The following AMBRA1 variants were observed in gnomAD, a reference collection of about 807,000 sequenced individuals.
AMBRA1 encodes activating molecule in BECN1-regulated autophagy protein 1.
A neutral mutation model predicts 125.4 loss-of-function variants in AMBRA1; 47 were observed. That is an observed-to-expected ratio of 0.37 (90% CI 0.30 to 0.48). The LOEUF is 0.48. Among genes scored for constraint, AMBRA1 ranks in the 20% least tolerant of loss-of-function variants. The pLI, the probability that AMBRA1 is intolerant of heterozygous loss-of-function variation, is 0.99. For synonymous variants in AMBRA1, 626 were observed against 655.5 expected, an observed-to-expected ratio of 0.95 and a Z score of 0.69; for missense variants, 1,331 against 1,693.4, an observed-to-expected ratio of 0.79 and a Z score of 3.76.
chr11:46,397,666 G>T lies in AMBRA1; in HGVS notation c.3681C>A (p.Ser1227Arg). ...GCTGGTCCCAGGAAGCTGTCCGGGG[G>T]CTTAGGCCTCGCTCTGCCAGTTGCC... ...EAGQLAERGL[S>R]PRTASWDQPG... The change falls in exon 18 of 18, where the codon AGC becomes AGA. Residue 1227 changes from serine (S) to arginine (R), a missense_variant. By Grantham distance (110) the Ser-to-Arg change is moderately radical. Around this residue, in one of 4 missense-constraint regions of AMBRA1, gnomAD observed 144 missense variants for 133.9 expected, o/e 1.08. Transcript: ENST00000683756. 6.2e-7 allele frequency: 1 copy of T among 1,613,294 alleles called. No individual in the cohort carries two copies. The highest frequency in any genetic ancestry group is 1.1e-5 in the South Asian group (1 of 91,028).
intron 5 of AMBRA1, among the ~76,000 whole-genome samples, chr11:46,544,703 G>C (rs1006242146): frequency 6.6e-6 from 1 of 152,084 alleles, no homozygotes; most frequent in African/African-American, 2.4e-5. Context: ...AAAACAGTTA[G>C]CTTTGAAACT....
At chr11:46,589,626 C>CT (rs762566166) in intron 1 of AMBRA1, among the ~76,000 whole-genome samples, 159 of 147,038 alleles carry the variant, frequency 1.1e-3, no homozygotes, top group Middle Eastern at 6.9e-3. Flanking sequence ...AAATTGCCAA[C>CT]TTTTTTTTTT....
intron 9 of AMBRA1, among the ~76,000 whole-genome samples, chr11:46,503,761 C>T (rs1202168766): frequency 6.6e-6 from 1 of 152,166 alleles, no homozygotes; most frequent in Non-Finnish European, 1.5e-5. Flanking sequence ...CATCTTAAGG[C>T]TAAAAGACTA....
intron 7 of AMBRA1, among the ~76,000 whole-genome samples, chr11:46,525,314 T>A (rs1412078833): frequency 6.6e-6 from 1 of 151,650 alleles, no homozygotes; most frequent in Non-Finnish European, 1.5e-5. Flanking sequence ...AATAAATAAA[T>A]AAATAGGCCA....
In AMBRA1 at chr11:46,408,650, C is replaced by G; in HGVS notation, c.3266G>C (p.Gly1089Ala). ...GGTGGCAGGGTTCCGGGGCTGAAGC[C>G]CAATGGCATTCATCAGCCCCATGTC... ...DRDMGLMNAIGLQPRNPATSV... is the reference protein window; with the variant it reads ...DRDMGLMNAIALQPRNPATSV... Residue 1089 changes from glycine (G) to alanine (A), a missense_variant, in exon 17 of 18, where the codon GGG becomes GCG. By Grantham distance (60) the Gly-to-Ala change is moderately conservative. Coordinates refer to ENST00000683756, the MANE Select transcript of AMBRA1 (RefSeq NM_001387011.1). The G allele has an allele frequency of 6.2e-7, 1 of 1,603,272 alleles. No individual in the cohort carries two copies. The highest frequency in any genetic ancestry group is 8.5e-7 in the Non-Finnish European group (1 of 1,173,418).
chr11:46,401,251 C>G (rs1041808680), intron 17 of AMBRA1, among the ~76,000 whole-genome samples: 2 of 67,074 alleles, frequency 3.0e-5, no homozygotes, highest in Admixed American at 4.6e-4. Context: ...GAATTCTCAG[C>G]TCTTTTCGAG....
At chr11:46,512,651 C>T (rs1468893700) in intron 8 of AMBRA1, 76 bp downstream of exon 8, 20 of 1,175,518 alleles carry the variant, frequency 1.7e-5, no homozygotes, top group African/African-American at 1.7e-4. Context: ...AGGCACAGAA[C>T]GGAGCTTCCA....
Position 46,520,309 on chromosome 11 carries a change from C to T in AMBRA1, c.2073-7496G>A, listed in dbSNP as rs1162120172. ...GATAGCCTCATTACATGTCATGGAG[C>T]CTCTAGCAAACACTGTATACTTGTG... On this transcript the variant is annotated intron_variant, in intron 7 of 17. Transcript: ENST00000683756. 2.6e-5 allele frequency among the ~76,000 whole-genome samples: 4 copies of T among 152,020 alleles called. No individual in the cohort carries two copies. In the South Asian group the frequency reaches 6.2e-4, roughly 24 times the overall value.
chr11:46,469,307 T>G (rs183659064), intron 11 of AMBRA1, among the ~76,000 whole-genome samples: 3 of 152,194 alleles, frequency 2.0e-5, no homozygotes, highest in Admixed American at 6.5e-5. Flanking sequence ...TCATTGTTTT[T>G]ATAACAGAAT....
In AMBRA1 at chr11:46,533,721, G is replaced by A. The variant is rs550081648; in HGVS notation, c.2072+8224C>T. On this transcript the variant is annotated intron_variant, in intron 7 of 17. Coordinates refer to ENST00000683756, the MANE Select transcript of AMBRA1 (RefSeq NM_001387011.1). ...CTCCTAGGTCTATTCTCAACCAGCA[G>A]CCACAGTTATCTTTTTAAAATATAA... Among the ~76,000 whole-genome samples the A allele has an allele frequency of 8.5e-5, 13 of 152,178 alleles. No individual in the cohort carries two copies. In the South Asian group the frequency reaches 2.3e-3, roughly 27 times the overall value.
chr11:46,472,607 T>G lies in AMBRA1; in HGVS notation c.2521+21001A>C, dbSNP rs190538002. ...GGAGAACAACCTGTCAACTTCTAGTTTATTTTCTAAAACACAAGATCAGTA... is the reference window on the plus strand; with the variant it reads ...GGAGAACAACCTGTCAACTTCTAGTGTATTTTCTAAAACACAAGATCAGTA... On this transcript the variant is annotated intron_variant, in intron 11 of 17. Transcript: ENST00000683756. 4.2e-3 allele frequency among the ~76,000 whole-genome samples: 640 copies of G among 152,326 alleles called. 3 individuals are homozygous for G. Among genetic ancestry groups the G allele is most frequent in the African/African-American group, 0.013 (538 of 41,566 alleles).
rs202108742 is a variant in AMBRA1 at position 46,397,759 on chromosome 11, A to G, written c.3588T>C (p.Thr1196=). 1.9e-6 allele frequency: 3 copies of G among 1,612,380 alleles called. No homozygotes were observed. The highest frequency in any genetic ancestry group is 2.7e-5 in the African/African-American group (2 of 74,918). The change falls in exon 18 of 18, where the codon ACT becomes ACC. Residue 1196 remains threonine (T), a synonymous_variant. Coordinates refer to ENST00000683756, the MANE Select transcript of AMBRA1 (RefSeq NM_001387011.1). ...AGGAGGTGTGGGCGGCACCAGGTTC[A>G]GTGCCCGTCTGAGAGCTGCGGTGAA... ...HRIHRSSQTG[T]EPGAAHTSSP...
intron 13 of AMBRA1, 59 bp downstream of exon 13, chr11:46,434,779 CTCACCTAGCAA>C: frequency 1.4e-6 from 2 of 1,475,062 alleles, no homozygotes; most frequent in African/African-American, 2.8e-5. Context: ...CAAGCTGTGC[CTCACCTAGCAA>C]TGACCATGCC....
At chr11:46,433,054 T>C (rs1299243976) in intron 14 of AMBRA1, among the ~76,000 whole-genome samples, 1 of 152,322 alleles carries the variant, frequency 6.6e-6, no homozygotes, top group South Asian at 2.1e-4. Flanking sequence ...TCATCTTCCA[T>C]CATAATTATA....
chr11:46,402,644 A>G lies in AMBRA1; in HGVS notation c.3404-4701T>C, dbSNP rs186991777. Among the ~76,000 whole-genome samples, 677 of 152,288 alleles carry G rather than the reference A, an allele frequency of 4.4e-3. 1 individual carries two copies. Among genetic ancestry groups the G allele is most frequent in the South Asian group, 0.011 (53 of 4,820 alleles). On this transcript the variant is annotated intron_variant, in intron 17 of 17. Transcript: ENST00000683756. ...CTCCCAAAGTGCTGGGATTACAGGCATGAGCCACTGGAGAAGCACTTACAT... is the reference window on the plus strand; with the variant it reads ...CTCCCAAAGTGCTGGGATTACAGGCGTGAGCCACTGGAGAAGCACTTACAT...
chr11:46,585,930 C>G (rs1038452260), intron 1 of AMBRA1, among the ~76,000 whole-genome samples: 1 of 150,114 alleles, frequency 6.7e-6, no homozygotes, highest in African/African-American at 2.4e-5. Context: ...CTCAGCCTCC[C>G]GAGTAGCTGA....
intron 16 of AMBRA1, among the ~76,000 whole-genome samples, chr11:46,409,209 CTT>C (rs750273261): frequency 6.9e-5 from 10 of 145,516 alleles, no homozygotes; most frequent in South Asian, 2.2e-4. Context: ...AACTGGAACT[CTT>C]TTTTTTTTTT....
chr11:46,588,046 A>G (rs1483653432), intron 1 of AMBRA1, among the ~76,000 whole-genome samples: 3 of 152,300 alleles, frequency 2.0e-5, no homozygotes, highest in East Asian at 1.9e-4. Context: ...AAAGAAATAG[A>G]AGGAGGATGG....
rs763412301 is a variant in AMBRA1, at chr11:46,494,136, C to A, written c.2408G>T (p.Arg803Leu). 1 of 1,607,472 alleles carries A rather than the reference C, an allele frequency of 6.2e-7. No homozygotes were observed. The highest frequency in any genetic ancestry group is 1.7e-5 in the Admixed American group (1 of 59,336). Residue 803 changes from arginine (R) to leucine (L), a missense_variant, in exon 10 of 18, where the codon CGC becomes CTC. By Grantham distance (102) the Arg-to-Leu change is moderately radical. Coordinates refer to ENST00000683756, the MANE Select transcript of AMBRA1 (RefSeq NM_001387011.1). ...NARMSAPSLGRFVPRRFLLPE... is the reference protein window; with the variant it reads ...NARMSAPSLGLFVPRRFLLPE... The stretch of plus-strand genomic sequence containing the variant: ...ACTCGGTTCTTACCTTGGGACAAAG[C>A]GTCCAAGCGAAGGTGCAGACATCCG...
Sources: gnomAD v4.1 joint callset for allele counts (sites outside exome capture counted in the v4.1 genomes callset) on GRCh38, gnomAD v4.1.1 for gene constraint, gnomAD v4.1.1 regional missense constraint, MANE v1.5 for transcripts, NCBI Gene and HGNC (gene_info 2026-07-23, HGNC 2026-07-21) for gene names.